Variants in MAPK1IP1L observed in about 807,000 individuals in gnomAD.
MAPK1IP1L encodes the protein mitogen-activated protein kinase 1 interacting protein 1 like.
In MAPK1IP1L, 10 loss-of-function variants were observed where a neutral mutation model predicts 18.1. That is an observed-to-expected ratio of 0.55 (90% CI 0.34 to 0.94). The LOEUF is 0.94. MAPK1IP1L is among the 40% of genes least tolerant of loss of function. The pLI is 0.02. For missense variants in MAPK1IP1L, 260 were observed against 318.2 expected (o/e 0.82, Z 1.39); for synonymous variants, 115 against 117.3 (o/e 0.98, Z 0.13).
chr14:55,067,099 T>C lies in MAPK1IP1L; in HGVS notation c.*2472T>C. ...TTTTTTTTTTTTAGTAGAGATGGGG[T>C]TTCACTGTGTTAGCCAGGATGGTCT... On this transcript the variant is annotated 3_prime_UTR_variant, in exon 4 of 4. Coordinates refer to ENST00000395468, the MANE Select transcript of MAPK1IP1L (RefSeq NM_144578.4). The C allele has an allele frequency of 6.8e-6, 1 of 146,678 alleles. No individual in the cohort carries two copies. The highest frequency in any genetic ancestry group is 1.5e-5 in the Non-Finnish European group (1 of 66,508). The allele number at this position is 146,678 out of a possible 1,614,324, so 9.1% of individuals were successfully genotyped here. A position where few individuals can be genotyped will look rare whatever the true frequency, so the allele number is the denominator to read the frequency against.
At chr14:55,055,850 A>T (rs1195709867) in intron 1 of MAPK1IP1L, among the ~76,000 whole-genome samples, 1 of 152,126 alleles carries the variant, frequency 6.6e-6, no homozygotes, top group Non-Finnish European at 1.5e-5. Context: ...GAATCACTTA[A>T]ACCTGGGAGG....
In MAPK1IP1L at chr14:55,065,413, G is replaced by C. The variant is rs552759554; in HGVS notation, c.*786G>C. The stretch of plus-strand genomic sequence containing the variant: ...GTGCATATTGCTTTGGGAAGAGCTC[G>C]AGGAAGGAAATAATTCTCTCCTTTG... On this transcript the variant is annotated 3_prime_UTR_variant, in exon 4 of 4. Transcript: ENST00000395468. 1.3e-5 allele frequency: 2 copies of C among 152,112 alleles called. No individual in the cohort carries two copies. The highest frequency in any genetic ancestry group is 2.9e-5 in the Non-Finnish European group (2 of 68,032). The allele number at this position is 152,112 out of a possible 1,614,324, so 9.4% of individuals were successfully genotyped here. A position where few individuals can be genotyped will look rare whatever the true frequency, so the allele number is the denominator to read the frequency against.
intron 1 of MAPK1IP1L, among the ~76,000 whole-genome samples, chr14:55,059,532 G>A (rs1221178957): frequency 6.6e-6 from 1 of 152,126 alleles, no homozygotes; most frequent in East Asian, 1.9e-4. Flanking sequence ...AGCTTATGAT[G>A]GTGCCACTGC....
intron 1 of MAPK1IP1L, chr14:55,060,586 C>T (rs1329551297): frequency 2.0e-5 from 3 of 152,194 alleles, no homozygotes; most frequent in Non-Finnish European, 2.9e-5. Flanking sequence ...AGAGTACCTA[C>T]AGTCTTTTAT....
At chr14:55,063,826 T>C (rs1217737207) in intron 3 of MAPK1IP1L, 1 of 153,448 alleles carries the variant, frequency 6.5e-6, no homozygotes, top group African/African-American at 2.4e-5. Flanking sequence ...GTCAGTTACA[T>C]GTAATGCTTT....
In MAPK1IP1L at chr14:55,069,281, C is replaced by A. The variant is rs1349072247; in HGVS notation, c.*4654C>A. On this transcript the variant is annotated 3_prime_UTR_variant, in exon 4 of 4. Transcript: ENST00000395468. ...TGACAAATTTAATGTATGTAATTGTCTATGCATTTTAAGTTAAACTGCCTA... is the reference window on the plus strand; with the variant it reads ...TGACAAATTTAATGTATGTAATTGTATATGCATTTTAAGTTAAACTGCCTA... The A allele has an allele frequency of 6.6e-6, 1 of 152,474 alleles. No individual in the cohort carries two copies. The highest frequency in any genetic ancestry group is 1.5e-5 in the Non-Finnish European group (1 of 68,020). The allele number at this position is 152,474 out of a possible 1,614,324, so 9.4% of individuals were successfully genotyped here. A position where few individuals can be genotyped will look rare whatever the true frequency, so the allele number is the denominator to read the frequency against.
rs571586087 is a variant in MAPK1IP1L at position 55,063,061 on chromosome 14, G to A, written c.462G>A (p.Ala154=). The stretch of plus-strand genomic sequence containing the variant: ...GATCCATGTCTTCTGGACCTTGGGC[G>A]CCAGGAATGGGAGGGCAGTATCCTA... ...PWGSMSSGPW[A]PGMGGQYPTP... is the part of the protein sequence containing the mutation. Residue 154 remains alanine (A), a synonymous_variant, in exon 3 of 4, where the codon GCG becomes GCA. Coordinates refer to ENST00000395468, the MANE Select transcript of MAPK1IP1L (RefSeq NM_144578.4). The A allele has an allele frequency of 7.4e-6, 12 of 1,613,530 alleles. No individual in the cohort carries two copies. The African/African-American group carries it at 8.0e-5, about 11-fold the overall frequency.
intron 1 of MAPK1IP1L, among the ~76,000 whole-genome samples, chr14:55,057,614 G>T (rs1269559414): frequency 6.6e-6 from 1 of 152,000 alleles, no homozygotes; most frequent in Non-Finnish European, 1.5e-5. Context: ...AAAATTAGTG[G>T]GTGTAGTGGC....
rs2042878661 is a variant in MAPK1IP1L at position 55,068,062 on chromosome 14, T to C, written c.*3435T>C. The C allele has an allele frequency of 6.6e-6, 1 of 152,234 alleles. No individual in the cohort carries two copies. Among genetic ancestry groups the C allele is most frequent in the East Asian group, 1.9e-4 (1 of 5,208 alleles). 9.4% of individuals were successfully genotyped at this position (152,234 alleles called of 1,614,324 possible). On this transcript the variant is annotated 3_prime_UTR_variant, in exon 4 of 4. Coordinates refer to ENST00000395468, the MANE Select transcript of MAPK1IP1L (RefSeq NM_144578.4). ...TCCCATCCTGCCACTTTCTCATCTT[T>C]TCATGCTTTTGAAGACACCATTTAC... is the stretch of plus-strand genomic sequence containing the variant.
rs772726006 is a variant in MAPK1IP1L at position 55,063,356 on chromosome 14, C to G, written c.726+31C>G. On this transcript the variant is annotated intron_variant, in intron 3 of 3. Transcript: ENST00000395468. ...TGTTCAATTTGTTATTTAAAGTGTA[C>G]TAATTGTACATAGCACAACTGACAT... 41 of 1,535,186 alleles carry G rather than the reference C, an allele frequency of 2.7e-5. 1 individual carries two copies. The South Asian group carries it at 4.4e-4, about 17-fold the overall frequency.
chr14:55,069,008 G>A lies in MAPK1IP1L; in HGVS notation c.*4381G>A, dbSNP rs1222200602. 6.6e-6 allele frequency: 1 copy of A among 151,104 alleles called. No homozygotes were observed. Among genetic ancestry groups the A allele is most frequent in the African/African-American group, 2.4e-5 (1 of 41,096 alleles). 9.4% of individuals were successfully genotyped at this position (151,104 alleles called of 1,614,324 possible). On this transcript the variant is annotated 3_prime_UTR_variant, in exon 4 of 4. Transcript: ENST00000395468. ...CATCTTAAAGGGTGACATGTGGCATGCCTTTTTTTTTTTTTAAGAATTTAA... is the reference window on the plus strand; with the variant it reads ...CATCTTAAAGGGTGACATGTGGCATACCTTTTTTTTTTTTTAAGAATTTAA...
intron 1 of MAPK1IP1L, among the ~76,000 whole-genome samples, chr14:55,061,190 C>T (rs146522602): frequency 1.8e-4 from 27 of 152,106 alleles, no homozygotes; most frequent in African/African-American, 5.1e-4. Context: ...TAAAATAAGA[C>T]GCTAATTTTT....
chr14:55,068,668 A>G lies in MAPK1IP1L; in HGVS notation c.*4041A>G, dbSNP rs1003333889. ...TCAGGGAAGACTTTGATTTTAATAA[A>G]GCAATATTTAGTATTGAAGACAAAC... On this transcript the variant is annotated 3_prime_UTR_variant, in exon 4 of 4. Coordinates refer to ENST00000395468, the MANE Select transcript of MAPK1IP1L (RefSeq NM_144578.4). 5 of 152,382 alleles carry G rather than the reference A, an allele frequency of 3.3e-5. No individual in the cohort carries two copies. Among genetic ancestry groups the G allele is most frequent in the South Asian group, 2.1e-4 (1 of 4,832 alleles). 9.4% of individuals were successfully genotyped at this position (152,382 alleles called of 1,614,324 possible). A position where few individuals can be genotyped will look rare whatever the true frequency, so the allele number is the denominator to read the frequency against.
rs2042883256 is a variant in MAPK1IP1L at position 55,068,556 on chromosome 14, ACATT to A, written c.*3932_*3935del. ...GCCTGGAAATAAAACTTAAGCACAG[ACATT>A]CAAGTTTTTGAAAAGCATAAGCCTA... On this transcript the variant is annotated 3_prime_UTR_variant, in exon 4 of 4. Transcript: ENST00000395468. 2 of 152,416 alleles carry A rather than the reference ACATT, an allele frequency of 1.3e-5. No individual in the cohort carries two copies. The highest frequency in any genetic ancestry group is 1.3e-4 in the Admixed American group (2 of 15,284). The allele number at this position is 152,416 out of a possible 1,614,324, so 9.4% of individuals were successfully genotyped here. A position where few individuals can be genotyped will look rare whatever the true frequency, so the allele number is the denominator to read the frequency against.
At chr14:55,064,359 G>C (rs2042845721) in intron 3 of MAPK1IP1L, among the ~76,000 whole-genome samples, 1 of 151,828 alleles carries the variant, frequency 6.6e-6, no homozygotes, top group Non-Finnish European at 1.5e-5. Flanking sequence ...GATTAGATTA[G>C]TCAAACATCC....
chr14:55,064,305 A>AG (rs1023043847), intron 3 of MAPK1IP1L, among the ~76,000 whole-genome samples: 31 of 152,074 alleles, frequency 2.0e-4, no homozygotes, highest in Non-Finnish European at 4.3e-4. Flanking sequence ...GGAAAAAAAA[A>AG]AAATCTGTTA....
rs748453846 is a variant in MAPK1IP1L, at chr14:55,062,567, T to C, written c.19-51T>C. ...ATTCTCTGTGGGTTTATAATGGTGT[T>C]CGATGTAACTTTTCCCTAGATAGGA... On this transcript the variant is annotated intron_variant, in intron 2 of 3. Transcript: ENST00000395468. 4 of 1,438,808 alleles carry C rather than the reference T, an allele frequency of 2.8e-6. No homozygotes were observed. The African/African-American group carries it at 4.2e-5, about 15-fold the overall frequency. The allele number at this position is 1,438,808 out of a possible 1,614,324, so 89.1% of individuals were successfully genotyped here.
At position 55,068,144 on chromosome 14, in the gene MAPK1IP1L, C is replaced by T. The variant is rs2042879251; in HGVS notation, c.*3517C>T. On this transcript the variant is annotated 3_prime_UTR_variant, in exon 4 of 4. Transcript: ENST00000395468. ...AATATATTGATTATTCAGAAATAGA[C>T]AATACATTTTTTAATTACCCAAGGA... The T allele has an allele frequency of 6.6e-6, 1 of 152,170 alleles. No homozygotes were observed. The highest frequency in any genetic ancestry group is 2.4e-5 in the African/African-American group (1 of 41,390). The allele number at this position is 152,170 out of a possible 1,614,324, so 9.4% of individuals were successfully genotyped here.
rs1167797327 is a variant in MAPK1IP1L, at chr14:55,067,418, T to C, written c.*2791T>C. The stretch of plus-strand genomic sequence containing the variant: ...AAGAAAGGCTTTTTTCCTTTTTTCT[T>C]TTTTTTTTGGAGACAGAGTCTTGCC... On this transcript the variant is annotated 3_prime_UTR_variant, in exon 4 of 4. Coordinates refer to ENST00000395468, the MANE Select transcript of MAPK1IP1L (RefSeq NM_144578.4). 3 of 150,434 alleles carry C rather than the reference T, an allele frequency of 2.0e-5. No individual in the cohort carries two copies. Among genetic ancestry groups the C allele is most frequent in the Non-Finnish European group, 4.4e-5 (3 of 67,468 alleles). 9.3% of individuals were successfully genotyped at this position (150,434 alleles called of 1,614,324 possible). A position where few individuals can be genotyped will look rare whatever the true frequency, so the allele number is the denominator to read the frequency against.
Sources: allele counts gnomAD v4.1 joint callset (sites outside exome capture counted in the v4.1 genomes callset), GRCh38; gene constraint gnomAD v4.1.1; transcripts MANE v1.5; gene names NCBI Gene and HGNC (gene_info 2026-07-23, HGNC 2026-07-21).